Variants in SLC37A1 observed in about 807,000 individuals in gnomAD.
SLC37A1 encodes the protein solute carrier family 37 member 1.
In SLC37A1, 49 loss-of-function variants were observed where a neutral mutation model predicts 75.3. The ratio of observed to expected loss-of-function variants is 0.65; its 90% CI spans 0.52 to 0.83. SLC37A1 has a LOEUF of 0.83. Ranked by LOEUF, SLC37A1 falls within the 40% of genes least tolerant of loss-of-function variation. SLC37A1 has a pLI of 0.00. For missense variants in SLC37A1, 566 were observed against 695.0 expected, an observed-to-expected ratio of 0.81 and a Z score of 2.09; for synonymous variants, 268 against 292.1, an observed-to-expected ratio of 0.92 and a Z score of 0.84.
chr21:42,507,707 G>C (rs1241098485), intron 2 of SLC37A1, among the ~76,000 whole-genome samples: 3 of 152,170 alleles, frequency 2.0e-5, no homozygotes, highest in African/African-American at 4.8e-5. Context: ...AGTGGAGCAG[G>C]CCTCACATAG....
intron 10 of SLC37A1, among the ~76,000 whole-genome samples, chr21:42,556,758 A>G (rs926632797): frequency 1.3e-5 from 2 of 152,046 alleles, no homozygotes; most frequent in Non-Finnish European, 2.9e-5. Flanking sequence ...CTTGTTTGCT[A>G]TGTAAGGAGG....
In SLC37A1 at chr21:42,568,409, C is replaced by T. The variant is rs1227462895; in HGVS notation, c.1394C>T (p.Thr465Met). Residue 465 changes from threonine to methionine, a missense_variant, in exon 17 of 20, where the codon ACG becomes ATG. Thr to Met is a moderately conservative substitution (Grantham distance 81, BLOSUM62 -1). Transcript: ENST00000352133. ...KGNAHALSTV[T>M]AIIDGTGSVG... is the part of the protein sequence containing the mutation. ...AACGCGCACGCCCTCTCCACCGTGACGGCCATCATTGACGGGACGGGCTCT... is the reference window on the plus strand; with the variant it reads ...AACGCGCACGCCCTCTCCACCGTGATGGCCATCATTGACGGGACGGGCTCT... 6.2e-6 allele frequency: 10 copies of T among 1,614,010 alleles called. No individual in the cohort carries two copies. Among genetic ancestry groups the T allele is most frequent in the African/African-American group, 1.3e-5 (1 of 74,922 alleles).
At position 42,539,558 on chromosome 21, in the gene SLC37A1, G is replaced by A. The variant is rs746903129; in HGVS notation, c.397G>A (p.Gly133Arg). Residue 133 changes from glycine (G) to arginine (R), a missense_variant, in exon 6 of 20, where the codon GGG becomes AGG. Physicochemically the swap from Gly to Arg is moderately radical, Grantham distance 125. Coordinates refer to ENST00000352133, the MANE Select transcript of SLC37A1 (RefSeq NM_001320537.2). ...GCCGATTAGGTATTACCTAACTTTC[G>A]GGATGCTCGCCAGCGGAGCCTTCAC... ...RLPIRYYLTFGMLASGAFTAL... is the reference protein window; with the variant it reads ...RLPIRYYLTFRMLASGAFTAL... 6.2e-6 allele frequency: 10 copies of A among 1,613,944 alleles called. No individual in the cohort carries two copies. Among genetic ancestry groups the A allele is most frequent in the Non-Finnish European group, 7.6e-6 (9 of 1,179,942 alleles).
Position 42,518,339 on chromosome 21 carries a change from T to C in SLC37A1, c.-116T>C. 9 of 1,357,152 alleles carry C rather than the reference T, an allele frequency of 6.6e-6. No homozygotes were observed. The South Asian group carries it at 1.1e-4, about 16-fold the overall frequency. The allele number at this position is 1,357,152 out of a possible 1,614,324, so 84.1% of individuals were successfully genotyped here. On this transcript the variant is annotated 5_prime_UTR_variant, in exon 2 of 20. Coordinates refer to ENST00000352133, the MANE Select transcript of SLC37A1 (RefSeq NM_001320537.2). ...CAGCAGGACACCTTCTTTCCACGCTTTCCAGCCTGTGGGAGCGGCAGGGGC... is the reference window on the plus strand; with the variant it reads ...CAGCAGGACACCTTCTTTCCACGCTCTCCAGCCTGTGGGAGCGGCAGGGGC...
intron 15 of SLC37A1, among the ~76,000 whole-genome samples, chr21:42,566,543 G>A (rs1047592121): frequency 1.3e-5 from 2 of 152,212 alleles, no homozygotes; most frequent in African/African-American, 4.8e-5. Context: ...AAGGCAGCTT[G>A]CCCACAGGAG....
At chr21:42,568,550 G>GCCGGCTT in intron 17 of SLC37A1, 112 bp downstream of exon 17, 1 of 1,047,896 alleles carries the variant, frequency 9.5e-7, no homozygotes, top group Non-Finnish European at 1.4e-6. Flanking sequence ...CATTGGGTGG[G>GCCGGCTT]CCGGCTTCTT....
rs1344742248 is a variant in SLC37A1 at position 42,547,246 on chromosome 21, A to G, written c.768+106A>G. 1 of 1,227,912 alleles carries G rather than the reference A, an allele frequency of 8.1e-7. No homozygotes were observed. Among genetic ancestry groups the G allele is most frequent in the Non-Finnish European group, 1.2e-6 (1 of 837,048 alleles). The allele number at this position is 1,227,912 out of a possible 1,614,324, so 76.1% of individuals were successfully genotyped here. A position where few individuals can be genotyped will look rare whatever the true frequency, so the allele number is the denominator to read the frequency against. ...TGTCAGACAGAAACACACAGGGTAG[A>G]CAGAAGTCCCACCCTCAAAACATTG... On this transcript the variant is annotated intron_variant, in intron 9 of 19. Coordinates refer to ENST00000352133, the MANE Select transcript of SLC37A1 (RefSeq NM_001320537.2). The surrounding 1 kb of genome is among the most constrained non-coding windows in gnomAD (Gnocchi z 6.1).
chr21:42,577,838 A>T (rs954977730), intron 18 of SLC37A1, among the ~76,000 whole-genome samples: 61 of 152,318 alleles, frequency 4.0e-4, no homozygotes, highest in African/African-American at 1.4e-3. Flanking sequence ...TTCCGAAAAG[A>T]CAAAAGTAAA....
At chr21:42,523,176 T>G (rs8132885) in intron 2 of SLC37A1, among the ~76,000 whole-genome samples, 1 of 152,096 alleles carries the variant, frequency 6.6e-6, no homozygotes, top group African/African-American at 2.4e-5. Flanking sequence ...GGCACTGTGG[T>G]TGGAGAATCC....
In SLC37A1 at chr21:42,539,617, C is replaced by A. The variant is rs1480425936; in HGVS notation, c.456C>A (p.Ile152=). 1 of 1,613,750 alleles carries A rather than the reference C, an allele frequency of 6.2e-7. No individual in the cohort carries two copies. The highest frequency in any genetic ancestry group is 8.5e-7 in the Non-Finnish European group (1 of 1,179,920). Residue 152 remains isoleucine, a synonymous_variant, in exon 6 of 20, where the codon ATC becomes ATA. Coordinates refer to ENST00000352133, the MANE Select transcript of SLC37A1 (RefSeq NM_001320537.2). ...TCGGCTTAGGGTATTTCTACAACAT[C>A]CACAGTTTCGGATTCTACGTGGTAA... ...ALFGLGYFYN[I]HSFGFYVVTQ...
intron 1 of SLC37A1, among the ~76,000 whole-genome samples, chr21:42,500,984 A>G (rs191987539): frequency 4.6e-5 from 7 of 152,310 alleles, no homozygotes; most frequent in Admixed American, 2.6e-4. Flanking sequence ...CCAGGAAGTG[A>G]GATTATTCAG....
rs1292324666 is a variant in SLC37A1, at chr21:42,513,932, G to GCGGGGC, written c.-954_-949dup. On this transcript the variant is annotated 5_prime_UTR_variant, in exon 1 of 20. Transcript: ENST00000352133. ...CGGGCCTCGGCGGCGCAGGTGAGGCGCGGGGCCGGGGCCGGACCGGGAGGC... is the reference window on the plus strand; with the variant it reads ...CGGGCCTCGGCGGCGCAGGTGAGGCGCGGGGCCGGGGCCGGGGCCGGACCGGGAGGC... 2.7e-5 allele frequency: 4 copies of GCGGGGC among 146,024 alleles called. No individual in the cohort carries two copies. Among genetic ancestry groups the GCGGGGC allele is most frequent in the East Asian group, 4.0e-4 (2 of 4,992 alleles). 9.0% of individuals were successfully genotyped at this position (146,024 alleles called of 1,614,324 possible).
intron 8 of SLC37A1, among the ~76,000 whole-genome samples, chr21:42,544,055 C>A (rs951781809): frequency 2.0e-5 from 3 of 152,228 alleles, no homozygotes; most frequent in Non-Finnish European, 4.4e-5. Context: ...AAAATCAAAT[C>A]TCTTATTCCA....
intron 18 of SLC37A1, chr21:42,575,459 C>T: frequency 4.1e-6 from 4 of 985,432 alleles, no homozygotes; most frequent in Non-Finnish European, 4.8e-6. Context: ...GACACTGAGT[C>T]GCCTTCTGGC....
rs71190427 is a variant in SLC37A1, at chr21:42,530,595, TACACACACACACACACACACACACAC to T, written c.139-4068_139-4043del. Among the ~76,000 whole-genome samples the T allele has an allele frequency of 4.5e-3, 464 of 103,232 alleles. 6 individuals are homozygous for T. Among genetic ancestry groups the T allele is most frequent in the African/African-American group, 0.015 (429 of 29,408 alleles). 67.7% of individuals were successfully genotyped at this position (103,232 alleles called of 152,430 possible). ...TAGACAGATCGTCAAATGCAGATGA[TACACACACACACACACACACACACAC>T]ACACACACACACACACACACACACA... On this transcript the variant is annotated intron_variant, in intron 3 of 19. Coordinates refer to ENST00000352133, the MANE Select transcript of SLC37A1 (RefSeq NM_001320537.2).
Position 42,580,662 on chromosome 21 carries a change from T to C in SLC37A1, c.*302T>C. ...CCATGCAGCCACCCAAATGCACGCG[T>C]GACAACAAGGCCGGGAGGGTGGGGG... On this transcript the variant is annotated 3_prime_UTR_variant, in exon 20 of 20. Coordinates refer to ENST00000352133, the MANE Select transcript of SLC37A1 (RefSeq NM_001320537.2). 1 of 268,712 alleles carries C rather than the reference T, an allele frequency of 3.7e-6. No individual in the cohort carries two copies. Among genetic ancestry groups the C allele is most frequent in the Admixed American group, 5.1e-5 (1 of 19,418 alleles). The allele number at this position is 268,712 out of a possible 1,614,324, so 16.6% of individuals were successfully genotyped here.
intron 8 of SLC37A1, among the ~76,000 whole-genome samples, chr21:42,544,070 A>C (rs1328148190): frequency 6.6e-6 from 1 of 152,274 alleles, no homozygotes; most frequent in Non-Finnish European, 1.5e-5. Flanking sequence ...ATTCCATTTC[A>C]GATTCAATAG....
chr21:42,515,769 A>AT (rs1271736174), intron 1 of SLC37A1, among the ~76,000 whole-genome samples: 1 of 151,868 alleles, frequency 6.6e-6, no homozygotes, highest in Non-Finnish European at 1.5e-5. Context: ...ATCTTTTTAT[A>AT]TTTTTTTAAG....
At chr21:42,503,947 T>A (rs114041161) in intron 2 of SLC37A1, among the ~76,000 whole-genome samples, 4,387 of 152,238 alleles carry the variant, frequency 0.029, 213 homozygotes, top group African/African-American at 0.1. Context: ...GGCAACCACA[T>A]CCGGGTGGTA....
Sources: allele counts gnomAD v4.1 joint callset (sites outside exome capture counted in the v4.1 genomes callset), GRCh38; gene constraint gnomAD v4.1.1; non-coding constraint Gnocchi (gnomAD v3.1); transcripts MANE v1.5; gene names NCBI Gene and HGNC (gene_info 2026-07-23, HGNC 2026-07-21).